PEG3: variants seen among roughly 807,000 people sequenced by gnomAD.
PEG3 encodes the protein paternally expressed 3.
A neutral mutation model predicts 35.5 loss-of-function variants in PEG3; 23 were observed. The ratio of observed to expected loss-of-function variants is 0.65; its 90% CI spans 0.47 to 0.92. The LOEUF is 0.92. Among genes scored for constraint, PEG3 ranks in the 40% least tolerant of loss-of-function variants. The pLI, the probability that PEG3 is intolerant of heterozygous loss-of-function variation, is 0.00. For synonymous variants in PEG3, 707 were observed against 697.0 expected, an observed-to-expected ratio of 1.01 and a Z score of -0.23; for missense variants, 1,960 against 1,985.3, an observed-to-expected ratio of 0.99 and a Z score of 0.24.
intron 1 of PEG3, among the ~76,000 whole-genome samples, 153 bp from the exon 2 acceptor site, chr19:56,836,257 C>A (rs1187778156): frequency 6.6e-6 from 1 of 152,082 alleles, no homozygotes; most frequent in Non-Finnish European, 1.5e-5. Context: ...GGATGAATGG[C>A]CACGGGTATA....
chr19:56,820,178 C>T (rs752636413), intron 7 of PEG3, among the ~76,000 whole-genome samples: 17 of 152,220 alleles, frequency 1.1e-4, no homozygotes, highest in Non-Finnish European at 1.8e-4. Flanking sequence ...AGATGCTGTT[C>T]TGAAAACAAT....
At chr19:56,838,118 C>A (rs1025967620) in intron 1 of PEG3, among the ~76,000 whole-genome samples, 1 of 152,228 alleles carries the variant, frequency 6.6e-6, no homozygotes, top group Non-Finnish European at 1.5e-5. Context: ...ACAGAGTGGG[C>A]GGGGCCATGC....
Position 56,812,597 on chromosome 19 carries a change from T to C in PEG3, c.*1078A>G, listed in dbSNP as rs183004319. ...GGGACCCAAGCCATGTTGCTACTTG[T>C]CACTTAAGGCAGGAAGCGCACAAAG... On this transcript the variant is annotated 3_prime_UTR_variant, in exon 10 of 10. Coordinates refer to ENST00000326441, the MANE Select transcript of PEG3 (RefSeq NM_006210.3). The C allele has an allele frequency of 1.0e-6, 1 of 985,660 alleles. No homozygotes were observed. The highest frequency in any genetic ancestry group is 1.1e-4 in the East Asian group (1 of 8,796). The allele number at this position is 985,660 out of a possible 1,614,324, so 61.1% of individuals were successfully genotyped here.
chr19:56,832,090 G>C (rs2061622923), intron 2 of PEG3, among the ~76,000 whole-genome samples: 1 of 152,098 alleles, frequency 6.6e-6, no homozygotes, highest in South Asian at 2.1e-4. Flanking sequence ...AAATCTATCA[G>C]AATAAATGAT....
At chr19:56,818,060 A>G (rs1350208314) in intron 8 of PEG3, among the ~76,000 whole-genome samples, 1 of 152,200 alleles carries the variant, frequency 6.6e-6, no homozygotes, top group Non-Finnish European at 1.5e-5. Context: ...AATGTGTACA[A>G]AGACCCCACA....
At chr19:56,839,639 T>C (rs1236386238) in intron 1 of PEG3, among the ~76,000 whole-genome samples, 3 of 152,272 alleles carry the variant, frequency 2.0e-5, no homozygotes, top group African/African-American at 4.8e-5. Context: ...GAACAGCGCC[T>C]ACTCGGCAAA....
chr19:56,812,172 A>G lies in PEG3; in HGVS notation c.*1503T>C, dbSNP rs1234083910. 1 of 978,854 alleles carries G rather than the reference A, an allele frequency of 1.0e-6. No individual in the cohort carries two copies. Among genetic ancestry groups the G allele is most frequent in the Non-Finnish European group, 1.2e-6 (1 of 824,180 alleles). 60.6% of individuals were successfully genotyped at this position (978,854 alleles called of 1,614,324 possible). A position where few individuals can be genotyped will look rare whatever the true frequency, so the allele number is the denominator to read the frequency against. On this transcript the variant is annotated 3_prime_UTR_variant, in exon 10 of 10. Coordinates refer to ENST00000326441, the MANE Select transcript of PEG3 (RefSeq NM_006210.3). ...TTTCCAGCCAACTCAAGGCCAAAAAAAATTTCTTAATATAGTTATTATGCG... is the reference window on the plus strand; with the variant it reads ...TTTCCAGCCAACTCAAGGCCAAAAAGAATTTCTTAATATAGTTATTATGCG...
In PEG3 at chr19:56,823,576, G is replaced by A; in HGVS notation, c.481+17C>T. ...GCGCCTGCCCATGGGTGACCAGTGG[G>A]GATGGGTACTCACCACTGAAAGAAT... On this transcript the variant is annotated intron_variant, in intron 5 of 9. Transcript: ENST00000326441. 6.2e-7 allele frequency: 1 copy of A among 1,613,966 alleles called. No individual in the cohort carries two copies. The highest frequency in any genetic ancestry group is 8.5e-7 in the Non-Finnish European group (1 of 1,179,896).
rs969256943 is a variant in PEG3, at chr19:56,826,438, C to T, written c.-137G>A. On this transcript the variant is annotated 5_prime_UTR_variant, in exon 3 of 10. The change creates a new upstream start codon in the 5' untranslated region. Transcript: ENST00000326441. ...GAACTTCAGACCAAGCAGCTATCCA[C>T]AGGAACAGAGTCAAAACACAGGTAT... 9 of 152,184 alleles carry T rather than the reference C, an allele frequency of 5.9e-5. No homozygotes were observed. The highest frequency in any genetic ancestry group is 1.9e-4 in the African/African-American group (8 of 41,436). 9.4% of individuals were successfully genotyped at this position (152,184 alleles called of 1,614,324 possible).
Position 56,814,267 on chromosome 19 carries a change from A to G in PEG3, c.4175T>C (p.Val1392Ala). ...QVVLRIQGLN[V>A]EAAEPEVEAA... ...CTCCACTTCTGGCTCAGCAGCCTCTACGTTTAAGCCCTGAATCCTCAGAAC... is the reference window on the plus strand; with the variant it reads ...CTCCACTTCTGGCTCAGCAGCCTCTGCGTTTAAGCCCTGAATCCTCAGAAC... The change falls in exon 10 of 10, where the codon GTA becomes GCA. Residue 1392 changes from valine (V) to alanine (A), a missense_variant. This residue lies in a region of PEG3 where 416 missense variants were observed against 416.7 expected (regional missense o/e 1.00). Transcript: ENST00000326441. This position sits in a 1 kb window ranked among gnomAD's most constrained non-coding sequence, Gnocchi z 5.8. The G allele has an allele frequency of 6.2e-7, 1 of 1,613,832 alleles. No individual in the cohort carries two copies. Among genetic ancestry groups the G allele is most frequent in the Non-Finnish European group, 8.5e-7 (1 of 1,180,054 alleles).
rs202126306 is a variant in PEG3 at position 56,816,710 on chromosome 19, G to A, written c.1732C>T (p.Leu578=). 2 of 1,614,028 alleles carry A rather than the reference G, an allele frequency of 1.2e-6. No individual in the cohort carries two copies. The highest frequency in any genetic ancestry group is 2.7e-5 in the African/African-American group (2 of 74,988). Residue 578 remains leucine (L), a synonymous_variant, in exon 10 of 10, where the codon CTG becomes TTG. Transcript: ENST00000326441. ...CKETFLHSSA[L]IEHQKIHFGD... ...AAGTGGATTTTCTGGTGCTCAATCA[G>A]GGCAGAACTATGAAGGAAGGTTTCC...
At chr19:56,828,158 G>A (rs891470749) in intron 2 of PEG3, among the ~76,000 whole-genome samples, 53 of 152,122 alleles carry the variant, frequency 3.5e-4, no homozygotes, top group African/African-American at 1.3e-3. Flanking sequence ...CACTGATGCT[G>A]AGCCCAGGCT....
chr19:56,813,499 CTG>C lies in PEG3; in HGVS notation c.*174_*175del, dbSNP rs1225463760. ...GACATCTGAAGGGGAAAGCTTAAGA[CTG>C]TGGAATCTGCACATTCGGTCTCTTT... On this transcript the variant is annotated 3_prime_UTR_variant, in exon 10 of 10. Transcript: ENST00000326441. 11 of 1,424,246 alleles carry C rather than the reference CTG, an allele frequency of 7.7e-6. No individual in the cohort carries two copies. The East Asian group carries it at 2.8e-4, about 36-fold the overall frequency. The allele number at this position is 1,424,246 out of a possible 1,614,324, so 88.2% of individuals were successfully genotyped here.
intron 1 of PEG3, among the ~76,000 whole-genome samples, chr19:56,836,969 CAAAAA>C (rs573566620): frequency 2.5e-3 from 294 of 116,758 alleles, no homozygotes; most frequent in African/African-American, 0.01. Flanking sequence ...GACTCTGTCT[CAAAAA>C]AAAAAAAAAA....
chr19:56,821,599 C>A, intron 7 of PEG3, 52 bp downstream of exon 7: 2 of 1,601,862 alleles, frequency 1.2e-6, no homozygotes, highest in Non-Finnish European at 1.7e-6. Context: ...AAAGGCGTCT[C>A]TGCCATGAAA....
At position 56,815,068 on chromosome 19, in the gene PEG3, T is replaced by TGGTCTGTGAGGTCTGTGA; in HGVS notation, c.3356_3373dup (p.Leu1119_Asp1124dup). On this transcript the variant is annotated inframe_insertion, in exon 10 of 10. Transcript: ENST00000326441. ...GCACTTCCTGCTGTGGACTTTCTGA[T>TGGTCTGTGAGGTCTGTGA]GGTCTGTGAGGTCTGTGAGATCCAC... 6.2e-7 allele frequency: 1 copy of TGGTCTGTGAGGTCTGTGA among 1,614,128 alleles called. No individual in the cohort carries two copies. The highest frequency in any genetic ancestry group is 1.1e-5 in the South Asian group (1 of 91,072).
chr19:56,815,039 C>G lies in PEG3; in HGVS notation c.3403G>C (p.Val1135Leu). ...HQKVHSRKCL[V>L]DSREYTHSVI... is the part of the protein sequence containing the mutation. ...GAATGTGTGTACTCCCGACTGTCAACCAGGCACTTCCTGCTGTGGACTTTC... is the reference window on the plus strand; with the variant it reads ...GAATGTGTGTACTCCCGACTGTCAAGCAGGCACTTCCTGCTGTGGACTTTC... Residue 1135 changes from valine (V) to leucine (L), a missense_variant, in exon 10 of 10, where the codon GTT becomes CTT. Around this residue, in one of 5 missense-constraint regions of PEG3, gnomAD observed 124 missense variants for 179.6 expected, o/e 0.69. Transcript: ENST00000326441. 6.2e-7 allele frequency: 1 copy of G among 1,614,166 alleles called. No individual in the cohort carries two copies.
intron 5 of PEG3, among the ~76,000 whole-genome samples, chr19:56,823,211 C>CA (rs923288805): frequency 4.0e-5 from 6 of 151,806 alleles, no homozygotes; most frequent in South Asian, 2.1e-4. Context: ...TATTCTACTA[C>CA]AAAAAAAACA....
Position 56,822,825 on chromosome 19 carries a change from A to G in PEG3, c.493T>C (p.Trp165Arg), listed in dbSNP as rs1039068297. The G allele has an allele frequency of 3.7e-6, 6 of 1,613,710 alleles. No homozygotes were observed. The South Asian group carries it at 6.6e-5, about 18-fold the overall frequency. The change falls in exon 6 of 10, where the codon TGG becomes CGG. Residue 165 changes from tryptophan to arginine, a missense_variant. Around this residue, in one of 5 missense-constraint regions of PEG3, gnomAD observed 613 missense variants for 577.1 expected, o/e 1.06. Coordinates refer to ENST00000326441, the MANE Select transcript of PEG3 (RefSeq NM_006210.3). The part of the protein sequence containing the change: ...HSVHSFSDRD[W>R]DRRGRSRDME... ...TCTCTGCTTCTGCCCCTCCGGTCCC[A>G]GTCCCGGTCACCTAAGCAGGTGAGA... is the stretch of plus-strand genomic sequence containing the variant.
Sources: allele counts gnomAD v4.1 joint callset (sites outside exome capture counted in the v4.1 genomes callset), GRCh38; gene constraint gnomAD v4.1.1; regional missense constraint gnomAD v4.1.1; non-coding constraint Gnocchi (gnomAD v3.1); transcripts MANE v1.5; gene names NCBI Gene and HGNC (gene_info 2026-07-23, HGNC 2026-07-21).